The following ACAD10 variants were observed in gnomAD, a reference collection of about 807,000 sequenced individuals.
The protein encoded by ACAD10 is ACAD-10.
A neutral mutation model predicts 116.8 loss-of-function variants in ACAD10; 112 were observed. The observed-to-expected ratio is 0.96, with a 90% confidence interval of 0.82 to 1.12. The LOEUF is 1.12. Ranked by LOEUF, ACAD10 falls within the 50% of genes most tolerant of loss-of-function variation. The pLI, the probability that ACAD10 is intolerant of heterozygous loss-of-function variation, is 0.00. For synonymous variants in ACAD10, 486 were observed against 510.6 expected (o/e 0.95, Z 0.65); for missense variants, 1,259 against 1,350.2 (o/e 0.93, Z 1.06).
At chr12:111,754,458 T>C (rs1890153537) in intron 19 of ACAD10, among the ~76,000 whole-genome samples, 2 of 152,254 alleles carry the variant, frequency 1.3e-5, no homozygotes, top group South Asian at 4.1e-4. Context: ...GCTAATTCTT[T>C]ATTTTTTGTA....
At chr12:111,699,442 G>A (rs1888286185) in intron 2 of ACAD10, among the ~76,000 whole-genome samples, 1 of 151,822 alleles carries the variant, frequency 6.6e-6, no homozygotes, top group Non-Finnish European at 1.5e-5. Flanking sequence ...AAAGTTTCTT[G>A]TTTATTTTTG....
intron 8 of ACAD10, among the ~76,000 whole-genome samples, chr12:111,723,956 G>A (rs1433702724): frequency 6.6e-5 from 10 of 150,828 alleles, no homozygotes; most frequent in Non-Finnish European, 8.9e-5. Context: ...ACGGGGCGGC[G>A]GGGCAGAGGC....
chr12:111,721,795 ATATGC>A, intron 8 of ACAD10, 56 bp downstream of exon 8: 1 of 1,442,304 alleles, frequency 6.9e-7, no homozygotes, highest in Non-Finnish European at 9.5e-7. Flanking sequence ...AGAAAAGCCC[ATATGC>A]TAACACAAAT....
In ACAD10 at chr12:111,755,756, A is replaced by G; in HGVS notation, c.3039+11A>G. ...GATCGTGCGATTCAGGTGAGCACAGACCAGACAGTTGGCTTATTTGAACCA... is the reference window on the plus strand; with the variant it reads ...GATCGTGCGATTCAGGTGAGCACAGGCCAGACAGTTGGCTTATTTGAACCA... On this transcript the variant is annotated intron_variant, in intron 20 of 20. Transcript: ENST00000313698. 6.2e-7 allele frequency: 1 copy of G among 1,613,200 alleles called. No individual in the cohort carries two copies. Among genetic ancestry groups the G allele is most frequent in the South Asian group, 1.1e-5 (1 of 91,060 alleles).
intron 18 of ACAD10, among the ~76,000 whole-genome samples, chr12:111,751,694 G>A (rs2135994046): frequency 6.6e-6 from 1 of 151,516 alleles, no homozygotes; most frequent in East Asian, 1.9e-4. Context: ...TTGCACCACT[G>A]CACTCTAGCC....
chr12:111,705,806 C>A lies in ACAD10; in HGVS notation c.405C>A (p.Phe135Leu), dbSNP rs142819536. 3 of 1,614,140 alleles carry A rather than the reference C, an allele frequency of 1.9e-6. No individual in the cohort carries two copies. The South Asian group carries it at 3.3e-5, about 18-fold the overall frequency. The change falls in exon 4 of 21, where the codon TTC becomes TTA. Residue 135 changes from phenylalanine to leucine, a missense_variant. Transcript: ENST00000313698. ...LLTSERVAKQ[F>L]PVMTEAITQI... ...CCAGTGAGCGAGTGGCAAAGCAGTT[C>A]CCAGTGATGACTGAGGCCATAACTC...
intron 18 of ACAD10, among the ~76,000 whole-genome samples, chr12:111,752,234 AAAAC>A (rs778564918): frequency 2.6e-4 from 40 of 152,070 alleles, no homozygotes; most frequent in South Asian, 6.2e-4. Context: ...GGGAAAAAAA[AAAAC>A]AAACAAAAAC....
chr12:111,722,021 A>G (rs1186997404), intron 8 of ACAD10: 2 of 251,986 alleles, frequency 7.9e-6, no homozygotes, highest in Non-Finnish European at 1.5e-5. Context: ...TTTTTTAATC[A>G]GAGTCTTTCT....
chr12:111,726,568 AAAC>A lies in ACAD10; in HGVS notation c.1062-1386_1062-1384del, dbSNP rs527350469. ...AAGTATGTATGTTTTACAGATTAAA[AAAC>A]AACAACATGGCTGGGTGCAGTGGCT... On this transcript the variant is annotated intron_variant, in intron 8 of 20. Coordinates refer to ENST00000313698, the MANE Select transcript of ACAD10 (RefSeq NM_025247.6). Among the ~76,000 whole-genome samples the A allele has an allele frequency of 1.4e-3, 216 of 152,282 alleles. 1 individual carries two copies. Among genetic ancestry groups the A allele is most frequent in the African/African-American group, 4.8e-3 (200 of 41,566 alleles).
intron 8 of ACAD10, among the ~76,000 whole-genome samples, chr12:111,725,124 G>GTGTA (rs1889175649): frequency 1.3e-5 from 2 of 152,130 alleles, no homozygotes; most frequent in Admixed American, 1.3e-4. Flanking sequence ...ATATGTGTGT[G>GTGTA]TGTATACATG....
intron 10 of ACAD10, among the ~76,000 whole-genome samples, chr12:111,732,846 T>G (rs1889429722): frequency 1.3e-5 from 2 of 152,336 alleles, no homozygotes; most frequent in Non-Finnish European, 2.9e-5. Context: ...ACAACAAACT[T>G]TGTCAGAACT....
chr12:111,711,532 T>C (rs1266764352), intron 5 of ACAD10, among the ~76,000 whole-genome samples: 2 of 146,284 alleles, frequency 1.4e-5, no homozygotes, highest in Non-Finnish European at 3.0e-5. Context: ...ATTTTTTTTT[T>C]TTTTTTTTTT....
intron 2 of ACAD10, among the ~76,000 whole-genome samples, chr12:111,701,305 A>G (rs899424782): frequency 1.3e-5 from 2 of 152,232 alleles, no homozygotes; most frequent in African/African-American, 4.8e-5. Context: ...AAATGTTCCC[A>G]GTATTCTACA....
chr12:111,693,924 C>T (rs907698595), intron 2 of ACAD10, among the ~76,000 whole-genome samples: 8 of 152,188 alleles, frequency 5.3e-5, no homozygotes, highest in African/African-American at 1.4e-4. Flanking sequence ...GGGACTCCGA[C>T]TCTTTATAGC....
chr12:111,687,048 AT>A (rs1887886103), intron 1 of ACAD10, among the ~76,000 whole-genome samples: 1 of 152,214 alleles, frequency 6.6e-6, no homozygotes, highest in Non-Finnish European at 1.5e-5. Context: ...TCTTTCCAGT[AT>A]GTCAGAGTGG....
chr12:111,750,239 C>G (rs552503674), intron 18 of ACAD10, among the ~76,000 whole-genome samples: 14 of 151,104 alleles, frequency 9.3e-5, no homozygotes, highest in African/African-American at 3.4e-4. Context: ...CTACAGGCAC[C>G]CGCCACCATG....
Position 111,705,853 on chromosome 12 carries a change from A to G in ACAD10, c.452A>G (p.Gln151Arg). The change falls in exon 4 of 21, where the codon CAG (glutamine) becomes CGG (arginine). Residue 151 changes from glutamine (Q) to arginine (R), a missense_variant. Coordinates refer to ENST00000313698, the MANE Select transcript of ACAD10 (RefSeq NM_025247.6). ...ACTCAAATTCGGGCAAAAGGTCTTC[A>G]GACTGCAGTCTTGAGCAATAATTTT... ...AITQIRAKGL[Q>R]TAVLSNNFYL... The G allele has an allele frequency of 6.2e-7, 1 of 1,614,214 alleles. No homozygotes were observed.
In ACAD10 at chr12:111,721,686, T is replaced by G; in HGVS notation, c.1008T>G (p.Leu336=). Residue 336 remains leucine (L), a synonymous_variant, in exon 8 of 21, where the codon CTT becomes CTG. Transcript: ENST00000313698. ...IEREFRIMKA[L]ANAGVPVPNV... ...GTCCTTGCAGGATTATGAAAGCCCT[T>G]GCAAATGCTGGAGTACCTGTCCCTA... 5 of 1,605,618 alleles carry G rather than the reference T, an allele frequency of 3.1e-6. No individual in the cohort carries two copies. Among genetic ancestry groups the G allele is most frequent in the Non-Finnish European group, 4.3e-6 (5 of 1,173,256 alleles).
At chr12:111,708,689 C>T (rs1419061533) in intron 4 of ACAD10, among the ~76,000 whole-genome samples, 1 of 152,050 alleles carries the variant, frequency 6.6e-6, no homozygotes, top group East Asian at 1.9e-4. Context: ...TAGGGCAGAT[C>T]AGAGGGTATT....
Sources: allele counts gnomAD v4.1 joint callset (sites outside exome capture counted in the v4.1 genomes callset), GRCh38; gene constraint gnomAD v4.1.1; transcripts MANE v1.5; gene names NCBI Gene and HGNC (gene_info 2026-07-23, HGNC 2026-07-21).